Variants in CNTNAP2 observed in about 807,000 individuals in gnomAD.
The protein encoded by CNTNAP2 is contactin associated protein 2.
In CNTNAP2, 98 loss-of-function variants were observed where a neutral mutation model predicts 155.2. That is an observed-to-expected ratio of 0.63 (90% CI 0.54 to 0.75). The LOEUF (loss-of-function observed/expected upper bound fraction) is 0.75. CNTNAP2 is among the 30% of genes least tolerant of loss of function. The pLI is 0.00. For synonymous variants in CNTNAP2, 651 were observed against 631.2 expected, an observed-to-expected ratio of 1.03 and a Z score of -0.47; for missense variants, 1,727 against 1,688.1, an observed-to-expected ratio of 1.02 and a Z score of -0.40.
intron 8 of CNTNAP2, among the ~76,000 whole-genome samples, chr7:147,225,672 C>T (rs374731338): frequency 3.3e-5 from 5 of 151,926 alleles, no homozygotes; most frequent in African/African-American, 1.2e-4. Flanking sequence ...TTTACACCTG[C>T]ATACTCTTAA....
intron 1 of CNTNAP2, among the ~76,000 whole-genome samples, chr7:146,222,922 G>A (rs1041826879): frequency 4.6e-5 from 7 of 152,024 alleles, no homozygotes; most frequent in African/African-American, 1.4e-4. Context: ...GCCTCCCAAA[G>A]TGCTGGGATT....
At chr7:146,565,680 G>A (rs1353493461) in intron 1 of CNTNAP2, among the ~76,000 whole-genome samples, 1 of 152,164 alleles carries the variant, frequency 6.6e-6, no homozygotes, top group East Asian at 1.9e-4. Context: ...ACATCCCTTC[G>A]AAATGTAGGC....
At chr7:147,340,950 C>T (rs1374219103) in intron 9 of CNTNAP2, among the ~76,000 whole-genome samples, 1 of 152,028 alleles carries the variant, frequency 6.6e-6, no homozygotes, top group East Asian at 1.9e-4. Context: ...CATCAGCTGC[C>T]ACCGCTAGAT....
At chr7:147,824,543 G>C (rs376602242) in intron 13 of CNTNAP2, among the ~76,000 whole-genome samples, 17 of 152,064 alleles carry the variant, frequency 1.1e-4, no homozygotes, top group African/African-American at 3.6e-4. Flanking sequence ...ACATCAGAAG[G>C]AACGAGTTTT....
chr7:146,586,081 G>T (rs73164100), intron 1 of CNTNAP2, among the ~76,000 whole-genome samples: 33,909 of 151,908 alleles, frequency 0.22, 4,781 homozygotes, highest in Non-Finnish European at 0.31. Flanking sequence ...CACACCTGTG[G>T]TATATTTTAT....
chr7:146,532,661 A>G (rs1797786588), intron 1 of CNTNAP2, among the ~76,000 whole-genome samples: 1 of 152,160 alleles, frequency 6.6e-6, no homozygotes, highest in Non-Finnish European at 1.5e-5. Context: ...AGTAACTGCA[A>G]ACAATTTAAC....
intron 1 of CNTNAP2, among the ~76,000 whole-genome samples, chr7:146,728,611 C>CAAA (rs35250478): frequency 1.7e-5 from 2 of 115,150 alleles, no homozygotes; most frequent in Non-Finnish European, 2.0e-5. Context: ...TTTTAGGCTG[C>CAAA]AAAAAAAAAA....
chr7:146,756,814 A>G (rs1802002893), intron 1 of CNTNAP2, among the ~76,000 whole-genome samples: 1 of 152,124 alleles, frequency 6.6e-6, no homozygotes, highest in Non-Finnish European at 1.5e-5. Flanking sequence ...TCTACACAGT[A>G]TAAGAAACAT....
chr7:147,496,173 G>T (rs1314156496), intron 11 of CNTNAP2, among the ~76,000 whole-genome samples: 3 of 146,112 alleles, frequency 2.1e-5, no homozygotes, highest in African/African-American at 2.5e-5. Context: ...CATAATAATA[G>T]AAATAAATTG....
intron 18 of CNTNAP2, among the ~76,000 whole-genome samples, chr7:148,193,218 G>A (rs1380896208): frequency 6.6e-6 from 1 of 152,152 alleles, no homozygotes. Flanking sequence ...TGAGAGGTTA[G>A]GTACTAAATT....
chr7:147,997,631 G>C (rs1801826998), intron 15 of CNTNAP2, among the ~76,000 whole-genome samples: 1 of 151,994 alleles, frequency 6.6e-6, no homozygotes, highest in Non-Finnish European at 1.5e-5. Flanking sequence ...AAAAGAAAAA[G>C]AATACTTTGA....
At chr7:146,862,931 A>G (rs1223022398) in intron 3 of CNTNAP2, among the ~76,000 whole-genome samples, 1 of 152,176 alleles carries the variant, frequency 6.6e-6, no homozygotes, top group Non-Finnish European at 1.5e-5. Context: ...TGTTATAGTC[A>G]CTTTTGTGCT....
intron 15 of CNTNAP2, among the ~76,000 whole-genome samples, chr7:148,030,525 C>A (rs893581462): frequency 1.5e-5 from 2 of 131,170 alleles, no homozygotes; most frequent in African/African-American, 5.0e-5. Context: ...AGGAAAGTGT[C>A]ATTAAAAAAG....
At chr7:146,231,487 C>T (rs1799383844) in intron 1 of CNTNAP2, among the ~76,000 whole-genome samples, 1 of 152,146 alleles carries the variant, frequency 6.6e-6, no homozygotes, top group Non-Finnish European at 1.5e-5. Context: ...CCCATGTCTG[C>T]TGACTTATAG....
intron 15 of CNTNAP2, among the ~76,000 whole-genome samples, chr7:148,041,378 T>C (rs1273513613): frequency 6.6e-6 from 1 of 152,234 alleles, no homozygotes. Flanking sequence ...GGAAATAAGT[T>C]ACTGGGTTTT....
chr7:146,904,630 C>G (rs1051051460), intron 3 of CNTNAP2, among the ~76,000 whole-genome samples: 1 of 152,086 alleles, frequency 6.6e-6, no homozygotes, highest in Non-Finnish European at 1.5e-5. Flanking sequence ...CGCCACCACG[C>G]CTGGCTAATT....
chr7:148,012,043 C>A (rs1471104183), intron 15 of CNTNAP2, among the ~76,000 whole-genome samples: 1 of 152,174 alleles, frequency 6.6e-6, no homozygotes, highest in Non-Finnish European at 1.5e-5. Context: ...GGCCAGCTCA[C>A]CACTCTGATG....
chr7:147,041,797 G>A lies in CNTNAP2; in HGVS notation c.403-2110G>A, dbSNP rs116367665. On this transcript the variant is annotated intron_variant, in intron 3 of 23. Coordinates refer to ENST00000361727, the MANE Select transcript of CNTNAP2 (RefSeq NM_014141.6). ...AACCTAGCAACATGCTAAGCATATA[G>A]TTAATTTTCAAGTTGAAATTGTTTG... is the stretch of plus-strand genomic sequence containing the variant. Among the ~76,000 whole-genome samples, 177 of 152,260 alleles carry A rather than the reference G, an allele frequency of 1.2e-3. 1 individual carries two copies. Among genetic ancestry groups the A allele is most frequent in the African/African-American group, 4.0e-3 (165 of 41,556 alleles).
At chr7:148,275,679 T>C (rs1177827377) in intron 21 of CNTNAP2, among the ~76,000 whole-genome samples, 1 of 152,176 alleles carries the variant, frequency 6.6e-6, no homozygotes, top group African/African-American at 2.4e-5. Flanking sequence ...GGCTGAGTTC[T>C]CCCCCAAGGG....
Sources: gnomAD v4.1 joint callset for allele counts (sites outside exome capture counted in the v4.1 genomes callset) on GRCh38, gnomAD v4.1.1 for gene constraint, MANE v1.5 for transcripts, NCBI Gene and HGNC (gene_info 2026-07-23, HGNC 2026-07-21) for gene names.